FGF1: variants seen among roughly 807,000 people sequenced by gnomAD.
The protein encoded by FGF1 is fibroblast growth factor 1.
In FGF1, 9 loss-of-function variants were observed where a neutral mutation model predicts 13.4. That is an observed-to-expected ratio of 0.67 (90% CI 0.40 to 1.17). FGF1 has a LOEUF of 1.17. Among genes scored for constraint, FGF1 ranks in the 50% most tolerant of loss-of-function variants. The pLI, the probability that FGF1 is intolerant of heterozygous loss-of-function variation, is 0.01. For missense variants in FGF1, 156 were observed against 192.7 expected, an observed-to-expected ratio of 0.81 and a Z score of 1.13; for synonymous variants, 93 against 79.0, an observed-to-expected ratio of 1.18 and a Z score of -0.94.
At chr5:142,639,021 C>T (rs919228529) in intron 1 of FGF1, among the ~76,000 whole-genome samples, 1 of 151,866 alleles carries the variant, frequency 6.6e-6, no homozygotes, top group Non-Finnish European at 1.5e-5. Context: ...CAAAAGATAA[C>T]AAGTATTGGT....
intron 1 of FGF1, among the ~76,000 whole-genome samples, chr5:142,685,203 C>G (rs1209615951): frequency 6.6e-6 from 1 of 152,154 alleles, no homozygotes; most frequent in Admixed American, 6.5e-5. Flanking sequence ...TCCATTCTGA[C>G]TCCTTCTTTC....
Position 142,639,933 on chromosome 5 carries a change from T to G in FGF1, c.-34-25772A>C, listed in dbSNP as rs192099550. Reference sequence around the variant, plus strand: ...ATGGTGGGAGGGATAAATGATGATCTGTCCCATCCAGTGTTGCATATCAGT... The same window carrying G: ...ATGGTGGGAGGGATAAATGATGATCGGTCCCATCCAGTGTTGCATATCAGT... On this transcript the variant is annotated intron_variant, in intron 1 of 3. Coordinates refer to ENST00000337706, the MANE Select transcript of FGF1 (RefSeq NM_000800.5). Among the ~76,000 whole-genome samples the G allele has an allele frequency of 2.0e-5, 3 of 152,124 alleles. No individual in the cohort carries two copies. In the East Asian group the frequency reaches 5.8e-4, roughly 29 times the overall value.
intron 2 of FGF1, among the ~76,000 whole-genome samples, chr5:142,607,855 G>A (rs1440638060): frequency 2.0e-5 from 3 of 152,092 alleles, no homozygotes; most frequent in Admixed American, 1.3e-4. Flanking sequence ...CTACATAAAG[G>A]GGAGCCCAGA....
At chr5:142,645,921 T>C (rs1051553272) in intron 1 of FGF1, among the ~76,000 whole-genome samples, 2 of 152,204 alleles carry the variant, frequency 1.3e-5, no homozygotes, top group Non-Finnish European at 2.9e-5. Flanking sequence ...TTTTGTTTGT[T>C]TGTTTTAGAC....
In FGF1 at chr5:142,608,567, TATATATATATATATATACAC is replaced by T. The variant is rs1282628007; in HGVS notation, c.169+5372_169+5391del. Among the ~76,000 whole-genome samples the T allele has an allele frequency of 1.5e-3, 145 of 97,536 alleles. 1 individual carries two copies. The East Asian group carries it at 0.041, about 27-fold the overall frequency. 64.0% of individuals were successfully genotyped at this position (97,536 alleles called of 152,430 possible). Reference sequence around the variant, plus strand: ...CTATATATATATATATATATATATATATATATATATATATATACACACACACACACATATATGTAAATATA... The same window carrying T: ...CTATATATATATATATATATATATATACACACACACATATATGTAAATATA... On this transcript the variant is annotated intron_variant, in intron 2 of 3. Coordinates refer to ENST00000337706, the MANE Select transcript of FGF1 (RefSeq NM_000800.5).
chr5:142,664,809 G>A (rs771584442), intron 1 of FGF1, among the ~76,000 whole-genome samples: 3 of 152,166 alleles, frequency 2.0e-5, no homozygotes, highest in African/African-American at 4.8e-5. Context: ...TCTTGACTCC[G>A]CTGCTAACAG....
intron 1 of FGF1, among the ~76,000 whole-genome samples, chr5:142,682,941 TTC>T (rs1365314270): frequency 6.6e-6 from 1 of 152,122 alleles, no homozygotes; most frequent in Non-Finnish European, 1.5e-5. Context: ...CCCAGGCCCA[TTC>T]TCTGTTACCT....
At chr5:142,613,426 C>A (rs1023965127) in intron 2 of FGF1, among the ~76,000 whole-genome samples, 1 of 152,262 alleles carries the variant, frequency 6.6e-6, no homozygotes, top group Non-Finnish European at 1.5e-5. Flanking sequence ...CTGGTTACCA[C>A]AGCCACATCT....
chr5:142,601,158 T>C, intron 2 of FGF1: 1 of 507,190 alleles, frequency 2.0e-6, no homozygotes. Context: ...TGGCACTCAC[T>C]CCCCCGGGCT....
intron 1 of FGF1, among the ~76,000 whole-genome samples, chr5:142,677,778 T>C (rs1448929943): frequency 1.3e-5 from 2 of 152,226 alleles, no homozygotes; most frequent in Non-Finnish European, 2.9e-5. Flanking sequence ...TCACTGGGGA[T>C]ATAGCAGGGA....
At chr5:142,648,996 C>T (rs897563043) in intron 1 of FGF1, among the ~76,000 whole-genome samples, 3 of 151,984 alleles carry the variant, frequency 2.0e-5, no homozygotes, top group East Asian at 3.9e-4. Flanking sequence ...CGACCAGGGG[C>T]GAAGGGACTA....
chr5:142,696,576 T>C (rs926272965), intron 2 of FGF1, among the ~76,000 whole-genome samples: 87 of 152,304 alleles, frequency 5.7e-4, no homozygotes, highest in African/African-American at 1.9e-3. Context: ...GCTGCAGCCA[T>C]GTGGCCTTCA....
chr5:142,648,689 CAAAAAAAAAAAAA>C (rs11451715), intron 1 of FGF1, among the ~76,000 whole-genome samples: 3 of 66,212 alleles, frequency 4.5e-5, no homozygotes, highest in Admixed American at 1.9e-4. Context: ...CCCCACCAAC[CAAAAAAAAAAAAA>C]AAAAAAAAAA....
intron 1 of FGF1, among the ~76,000 whole-genome samples, chr5:142,653,348 T>C (rs1370687840): frequency 2.0e-5 from 3 of 152,122 alleles, no homozygotes; most frequent in African/African-American, 7.2e-5. Flanking sequence ...CTTATTCCTA[T>C]GAGGTAGGTG....
At chr5:142,633,112 G>T (rs547683163) in intron 1 of FGF1, among the ~76,000 whole-genome samples, 23 of 151,982 alleles carry the variant, frequency 1.5e-4, no homozygotes, top group South Asian at 1.5e-3. Flanking sequence ...GTAGAGACGG[G>T]GTTTCACCAT....
In FGF1 at chr5:142,594,364, C is replaced by T. The variant is rs1754832713; in HGVS notation, c.*926G>A. The T allele has an allele frequency of 6.6e-6, 1 of 152,234 alleles. No homozygotes were observed. Among genetic ancestry groups the T allele is most frequent in the African/African-American group, 2.4e-5 (1 of 41,448 alleles). The allele number at this position is 152,234 out of a possible 1,614,324, so 9.4% of individuals were successfully genotyped here. ...ACTTCAGTGTTGGAGAAGCACTGGG[C>T]TAGGACCCCAAAGCCTCTGCTTACC... On this transcript the variant is annotated 3_prime_UTR_variant, in exon 4 of 4. Coordinates refer to ENST00000337706, the MANE Select transcript of FGF1 (RefSeq NM_000800.5).
At chr5:142,692,314 A>T (rs1390411767) in intron 2 of FGF1, among the ~76,000 whole-genome samples, 1 of 152,164 alleles carries the variant, frequency 6.6e-6, no homozygotes, top group Non-Finnish European at 1.5e-5. Context: ...TCCAGCCTGG[A>T]TGACAGAGAA....
At chr5:142,694,331 C>A (rs1038071582) in intron 2 of FGF1, among the ~76,000 whole-genome samples, 3 of 152,084 alleles carry the variant, frequency 2.0e-5, no homozygotes, top group Admixed American at 6.6e-5. Context: ...AAGGTGAGAA[C>A]ACCAGCTCTT....
chr5:142,627,942 C>G (rs1762734380), intron 1 of FGF1, among the ~76,000 whole-genome samples: 2 of 152,180 alleles, frequency 1.3e-5, no homozygotes, highest in Admixed American at 1.3e-4. Context: ...TGTTTCAGCA[C>G]CACCGATGGC....
Sources: allele counts gnomAD v4.1 joint callset (sites outside exome capture counted in the v4.1 genomes callset), GRCh38; gene constraint gnomAD v4.1.1; transcripts MANE v1.5; gene names NCBI Gene and HGNC (gene_info 2026-07-23, HGNC 2026-07-21).